The following ZDHHC11B variants were observed in gnomAD, a reference collection of about 807,000 sequenced individuals.
The protein encoded by ZDHHC11B is probable palmitoyltransferase ZDHHC11B.
A neutral mutation model predicts 42.3 loss-of-function variants in ZDHHC11B; 17 were observed. That is an observed-to-expected ratio of 0.40 (90% CI 0.27 to 0.60). The LOEUF (loss-of-function observed/expected upper bound fraction) is 0.60, where lower values mean the gene tolerates loss of function less well. Ranked by LOEUF, ZDHHC11B falls within the 20% of genes least tolerant of loss-of-function variation. The pLI is 0.41. For missense variants in ZDHHC11B, 262 were observed against 463.2 expected (o/e 0.57, Z 3.99); for synonymous variants, 123 against 193.5 (o/e 0.64, Z 3.02).
At chr5:717,333 C>T (rs1357878418) in intron 12 of ZDHHC11B, among the ~76,000 whole-genome samples, 1 of 151,698 alleles carries the variant, frequency 6.6e-6, no homozygotes, top group Admixed American at 6.6e-5. Flanking sequence ...CCTGATGTTA[C>T]ACTAGCCCAG....
At chr5:742,090 G>A (rs394931) in intron 9 of ZDHHC11B, among the ~76,000 whole-genome samples, 64,711 of 93,114 alleles carry the variant, frequency 0.69, 22,895 homozygotes, top group Middle Eastern at 0.84. Flanking sequence ...TAGCATCCAT[G>A]TATCTATACA....
chr5:728,279 G>T (rs1742740372), intron 12 of ZDHHC11B, among the ~76,000 whole-genome samples: 1 of 151,950 alleles, frequency 6.6e-6, no homozygotes, highest in Non-Finnish European at 1.5e-5. Flanking sequence ...GGAAATTGAA[G>T]GAAATTTGCA....
chr5:712,668 G>C (rs1029356061), intron 13 of ZDHHC11B, among the ~76,000 whole-genome samples: 8 of 150,822 alleles, frequency 5.3e-5, no homozygotes, highest in Admixed American at 5.3e-4. Context: ...CCAGCACTTT[G>C]GGAGTCCGAG....
chr5:764,602 G>T lies in ZDHHC11B; in HGVS notation c.222+2096C>A, dbSNP rs1325076574. Among the ~76,000 whole-genome samples the T allele has an allele frequency of 2.6e-5, 4 of 151,932 alleles. No homozygotes were observed. The East Asian group carries it at 7.7e-4, about 29-fold the overall frequency. On this transcript the variant is annotated intron_variant, in intron 4 of 13. Coordinates refer to ENST00000508859, the MANE Select transcript of ZDHHC11B (RefSeq NM_001351303.2). ...TGGGCCTCAGCTGCCTCCCTGCGGG[G>T]CAGGGCTCAGGACCTGCAGCCCGCC...
intron 1 of ZDHHC11B, among the ~76,000 whole-genome samples, chr5:775,453 T>G (rs1427612560): frequency 6.6e-6 from 1 of 151,938 alleles, no homozygotes; most frequent in South Asian, 2.1e-4. Flanking sequence ...GGCAGCCAAC[T>G]GGATTCCACC....
chr5:767,317 TG>T, intron 3 of ZDHHC11B, 74 bp downstream of exon 3: 1 of 1,502,068 alleles, frequency 6.7e-7, no homozygotes, highest in Non-Finnish European at 9.1e-7. Flanking sequence ...CACACACATG[TG>T]GGGCTCCGGG....
chr5:722,767 G>T (rs568200311), intron 12 of ZDHHC11B, among the ~76,000 whole-genome samples: 4 of 151,218 alleles, frequency 2.6e-5, no homozygotes, highest in African/African-American at 9.8e-5. Context: ...CATAGCAGAG[G>T]GGGTAATTAA....
intron 4 of ZDHHC11B, among the ~76,000 whole-genome samples, chr5:765,749 C>T (rs1159289453): frequency 1.3e-5 from 2 of 151,898 alleles, no homozygotes; most frequent in African/African-American, 4.8e-5. Flanking sequence ...ACCAGGGATA[C>T]CCCAAACCAC....
At chr5:751,498 G>GC (rs1201216356) in intron 6 of ZDHHC11B, among the ~76,000 whole-genome samples, 1 of 36,824 alleles carries the variant, frequency 2.7e-5, no homozygotes, top group Non-Finnish European at 6.8e-5. Flanking sequence ...GCAGGTGGGG[G>GC]GTGCAGAGGC....
chr5:730,494 C>G lies in ZDHHC11B; in HGVS notation c.1024-26G>C, dbSNP rs1234069869. The G allele has an allele frequency of 1.9e-6, 3 of 1,550,474 alleles. No individual in the cohort carries two copies. In the African/African-American group the frequency reaches 4.2e-5, roughly 22 times the overall value. On this transcript the variant is annotated intron_variant, in intron 11 of 13. Transcript: ENST00000508859. ...CTGTGGGGGGAAGGGAAGCAAAATT[C>G]TTAGGATGAACAAAGACCTTGTTGA...
intron 4 of ZDHHC11B, among the ~76,000 whole-genome samples, chr5:765,577 T>A (rs1735168414): frequency 6.6e-6 from 1 of 151,916 alleles, no homozygotes; most frequent in Admixed American, 6.6e-5. Flanking sequence ...AAAAGCAGGC[T>A]GCTCAAGCCA....
Position 766,288 on chromosome 5 carries a change from G to A in ZDHHC11B, c.222+410C>T, listed in dbSNP as rs1446797273. Among the ~76,000 whole-genome samples, 4 of 126,748 alleles carry A rather than the reference G, an allele frequency of 3.2e-5. No individual in the cohort carries two copies. In the South Asian group the frequency reaches 8.5e-4, roughly 27 times the overall value. The allele number at this position is 126,748 out of a possible 152,430, so 83.2% of individuals were successfully genotyped here. A position where few individuals can be genotyped will look rare whatever the true frequency, so the allele number is the denominator to read the frequency against. On this transcript the variant is annotated intron_variant, in intron 4 of 13. Coordinates refer to ENST00000508859, the MANE Select transcript of ZDHHC11B (RefSeq NM_001351303.2). ...GGGCTTCCCCCTCTTTGGGAGACGG[G>A]AGCAGACCCGGGACCCCTGCCGCTG...
chr5:731,779 T>C (rs428089), intron 11 of ZDHHC11B, among the ~76,000 whole-genome samples: 3,128 of 140,282 alleles, frequency 0.022, 107 homozygotes, highest in African/African-American at 0.081. Flanking sequence ...AACACAAGAC[T>C]CCGGAGATAT....
chr5:716,704 G>A (rs1298852279), intron 13 of ZDHHC11B, 97 bp downstream of exon 13: 3 of 1,474,192 alleles, frequency 2.0e-6, no homozygotes, highest in Non-Finnish European at 1.9e-6. Context: ...CCCAGCCCTT[G>A]AGTTTGCACT....
chr5:783,265 G>C (rs1239943606), intron 1 of ZDHHC11B, among the ~76,000 whole-genome samples: 1 of 152,260 alleles, frequency 6.6e-6, no homozygotes, highest in African/African-American at 2.4e-5. Flanking sequence ...ATCACGTGGT[G>C]GGGAGGCGCT....
intron 4 of ZDHHC11B, among the ~76,000 whole-genome samples, chr5:762,132 G>A (rs1376324995): frequency 8.0e-5 from 12 of 150,746 alleles, no homozygotes; most frequent in Non-Finnish European, 1.5e-5. Flanking sequence ...GCCCCAGACG[G>A]CCACTCACAG....
At chr5:784,559 G>C (rs1323265721) in intron 1 of ZDHHC11B, among the ~76,000 whole-genome samples, 109 bp downstream of exon 1, 2 of 152,066 alleles carry the variant, frequency 1.3e-5, no homozygotes, top group East Asian at 1.9e-4. Flanking sequence ...GGGGGAGCGC[G>C]GGGGGCAGGG....
intron 1 of ZDHHC11B, among the ~76,000 whole-genome samples, chr5:771,839 A>G (rs1450029658): frequency 7.6e-5 from 11 of 145,622 alleles, no homozygotes; most frequent in African/African-American, 2.5e-4. Flanking sequence ...GCGCCTGAAC[A>G]GAGACCCTTA....
At chr5:754,184 C>A (rs7711376) in intron 6 of ZDHHC11B, among the ~76,000 whole-genome samples, 2 of 57,148 alleles carry the variant, frequency 3.5e-5, no homozygotes, top group East Asian at 8.7e-4. Flanking sequence ...GGAAACATCT[C>A]TCGTCTATGA....
Sources: gnomAD v4.1 joint callset for allele counts (sites outside exome capture counted in the v4.1 genomes callset) on GRCh38, gnomAD v4.1.1 for gene constraint, MANE v1.5 for transcripts, NCBI Gene and HGNC (gene_info 2026-07-23, HGNC 2026-07-21) for gene names.